The following CSMD1 variants were observed in gnomAD, a reference collection of about 807,000 sequenced individuals.
CSMD1 encodes CUB and Sushi multiple domains 1.
Under a neutral mutation model 417.5 loss-of-function variants are expected in CSMD1, and 213 were observed. The observed-to-expected ratio is 0.51, with a 90% CI of 0.46 to 0.57. The LOEUF is 0.57. Ranked by LOEUF, CSMD1 falls within the 20% of genes least tolerant of loss-of-function variation. The pLI is 0.00. For synonymous variants in CSMD1, 2,862 were observed against 1,736.8 expected (o/e 1.65, Z -16.11); for missense variants, 6,923 against 4,529.7 (o/e 1.53, Z -15.17).
intron 1 of CSMD1, among the ~76,000 whole-genome samples, chr8:4,948,256 G>A (rs1007680086): frequency 5.3e-5 from 8 of 151,950 alleles, no homozygotes; most frequent in East Asian, 1.9e-4. Flanking sequence ...ATTTTTTATC[G>A]TCTTTACCAT....
intron 2 of CSMD1, among the ~76,000 whole-genome samples, chr8:4,468,993 C>G (rs1449256172): frequency 2.0e-5 from 3 of 152,030 alleles, no homozygotes; most frequent in African/African-American, 7.3e-5. Flanking sequence ...GTTCTCTTAT[C>G]AGAGACTCTA....
chr8:3,282,487 C>G (rs189235483), intron 26 of CSMD1, among the ~76,000 whole-genome samples: 9 of 152,238 alleles, frequency 5.9e-5, no homozygotes, highest in African/African-American at 1.4e-4. Flanking sequence ...GCCAATGAAT[C>G]ACAATTCTAC....
chr8:4,361,227 G>C (rs1184915880), intron 3 of CSMD1, among the ~76,000 whole-genome samples: 1 of 152,032 alleles, frequency 6.6e-6, no homozygotes. Flanking sequence ...GAATACCTAA[G>C]TTACTCAAAA....
chr8:4,246,987 G>T (rs938811278), intron 3 of CSMD1, among the ~76,000 whole-genome samples: 1 of 152,116 alleles, frequency 6.6e-6, no homozygotes, highest in Non-Finnish European at 1.5e-5. Flanking sequence ...GAAATTTATT[G>T]TATTATTTAT....
At chr8:4,967,921 T>G (rs35748596) in intron 1 of CSMD1, among the ~76,000 whole-genome samples, 37,519 of 151,914 alleles carry the variant, frequency 0.25, 5,854 homozygotes, top group Non-Finnish European at 0.36. Flanking sequence ...ATTTGAAACT[T>G]TCCAAAATGA....
At chr8:3,075,093 C>G (rs992422542) in intron 49 of CSMD1, among the ~76,000 whole-genome samples, 1 of 152,080 alleles carries the variant, frequency 6.6e-6, no homozygotes, top group African/African-American at 2.4e-5. Context: ...CTTGCTCCTA[C>G]TTTTGCTAGG....
chr8:4,747,776 G>A (rs868219400), intron 1 of CSMD1, among the ~76,000 whole-genome samples: 1 of 152,084 alleles, frequency 6.6e-6, no homozygotes, highest in Non-Finnish European at 1.5e-5. Context: ...TAAAGCCTGG[G>A]ATAGAGGCTA....
chr8:4,771,856 G>A (rs1228076790), intron 1 of CSMD1, among the ~76,000 whole-genome samples: 2 of 152,090 alleles, frequency 1.3e-5, no homozygotes, highest in African/African-American at 2.4e-5. Flanking sequence ...TTTAATCCAC[G>A]AGGGAGTCTG....
chr8:4,354,867 T>TGTGTGC (rs1284364507), intron 3 of CSMD1, among the ~76,000 whole-genome samples: 1 of 101,142 alleles, frequency 9.9e-6, no homozygotes, highest in Non-Finnish European at 1.8e-5. Flanking sequence ...GAAAATGTAG[T>TGTGTGC]GTGTGTGTGT....
intron 3 of CSMD1, among the ~76,000 whole-genome samples, chr8:4,151,362 C>G (rs563949222): frequency 6.6e-6 from 1 of 152,282 alleles, no homozygotes; most frequent in South Asian, 2.1e-4. Context: ...GAGACATTAA[C>G]TACAATTCAG....
intron 7 of CSMD1, among the ~76,000 whole-genome samples, chr8:3,668,491 G>A (rs563925177): frequency 2.6e-5 from 4 of 152,290 alleles, no homozygotes; most frequent in African/African-American, 7.2e-5. Flanking sequence ...ATTACAAGGA[G>A]AACGGAGAGA....
chr8:4,316,845 T>G (rs1798965015), intron 3 of CSMD1, among the ~76,000 whole-genome samples: 1 of 152,198 alleles, frequency 6.6e-6, no homozygotes, highest in Non-Finnish European at 1.5e-5. Flanking sequence ...AATTGGTAGC[T>G]GCTTCTATTA....
At chr8:4,061,069 A>G (rs1228046242) in intron 3 of CSMD1, among the ~76,000 whole-genome samples, 2 of 5,108 alleles carry the variant, frequency 3.9e-4, no homozygotes, top group African/African-American at 5.0e-4. Flanking sequence ...ATCTACATTT[A>G]ATTTGTTTGT....
chr8:4,659,482 A>C (rs1302896092), intron 1 of CSMD1, among the ~76,000 whole-genome samples: 1 of 152,194 alleles, frequency 6.6e-6, no homozygotes, highest in African/African-American at 2.4e-5. Flanking sequence ...GTACTGACAC[A>C]GGCTGCACCA....
intron 4 of CSMD1, among the ~76,000 whole-genome samples, chr8:4,024,773 A>C (rs996116514): frequency 1.3e-5 from 2 of 152,214 alleles, no homozygotes; most frequent in African/African-American, 4.8e-5. Context: ...ATACATAAAC[A>C]TACGTAGTTT....
chr8:4,321,969 G>C lies in CSMD1; in HGVS notation c.415+97984C>G, dbSNP rs185860758. Among the ~76,000 whole-genome samples the C allele has an allele frequency of 3.9e-5, 6 of 151,916 alleles. 1 individual carries two copies. Among genetic ancestry groups the C allele is most frequent in the Admixed American group, 2.6e-4 (4 of 15,230 alleles). ...TCACATTATCACTATGAAATTACCA[G>C]GGTCATAGACATTGTTAATTATCTT... On this transcript the variant is annotated intron_variant, in intron 3 of 69. Coordinates refer to ENST00000635120, the MANE Select transcript of CSMD1 (RefSeq NM_033225.6).
At chr8:4,896,772 G>C (rs757599166) in intron 1 of CSMD1, among the ~76,000 whole-genome samples, 4 of 152,018 alleles carry the variant, frequency 2.6e-5, no homozygotes, top group Non-Finnish European at 5.9e-5. Context: ...AAGGGAAGGA[G>C]GTAGTTTCAG....
chr8:3,190,739 T>A (rs1464244723), intron 33 of CSMD1, among the ~76,000 whole-genome samples: 2 of 152,190 alleles, frequency 1.3e-5, no homozygotes, highest in Non-Finnish European at 2.9e-5. Flanking sequence ...ACAACCTAAA[T>A]GTCCATCATC....
At chr8:2,952,042 GA>G (rs1228673038) in intron 65 of CSMD1, among the ~76,000 whole-genome samples, 2 of 151,994 alleles carry the variant, frequency 1.3e-5, no homozygotes, top group African/African-American at 2.4e-5. Context: ...CACGGCTTAA[GA>G]AAAAAATAAA....
Sources: gnomAD v4.1 joint callset for allele counts (sites outside exome capture counted in the v4.1 genomes callset) on GRCh38, gnomAD v4.1.1 for gene constraint, MANE v1.5 for transcripts, NCBI Gene and HGNC (gene_info 2026-07-23, HGNC 2026-07-21) for gene names.